Variants in LAMC1 observed in about 807,000 individuals in gnomAD.
LAMC1 encodes the protein laminin subunit gamma-1.
In LAMC1, 38 loss-of-function variants were observed where a neutral mutation model predicts 173.6. The observed-to-expected ratio is 0.22, with a 90% CI of 0.17 to 0.29. The LOEUF (loss-of-function observed/expected upper bound fraction) is 0.29, where lower values mean the gene tolerates loss of function less well. Among genes scored for constraint, LAMC1 ranks in the 10% least tolerant of loss-of-function variants. The pLI is 1.00. For synonymous variants in LAMC1, 746 were observed against 749.1 expected (o/e 1.00, Z 0.07); for missense variants, 1,824 against 2,051.8 (o/e 0.89, Z 2.14).
intron 1 of LAMC1, among the ~76,000 whole-genome samples, chr1:183,038,584 G>A (rs756093473): frequency 5.9e-5 from 9 of 152,202 alleles, no homozygotes; most frequent in Non-Finnish European, 1.3e-4. Flanking sequence ...GAGTTTTGCA[G>A]TTTTTAGAAA....
Position 183,116,816 on chromosome 1 carries a change from A to T in LAMC1, c.1477A>T (p.Thr493Ser), listed in dbSNP as rs769108956. Residue 493 changes from threonine (T) to serine (S), a missense_variant, in exon 8 of 28, where the codon ACA (threonine) becomes TCA (serine). Transcript: ENST00000258341. ...NLESSNPRGC[T>S]PCFCFGHSSV... ...GGAATCATCTAATCCTCGGGGTTGC[A>T]CACCCTGCTTCTGCTTTGGGCATTC... The T allele has an allele frequency of 6.2e-7, 1 of 1,614,058 alleles. No individual in the cohort carries two copies. Among genetic ancestry groups the T allele is most frequent in the East Asian group, 2.2e-5 (1 of 44,874 alleles).
intron 26 of LAMC1, among the ~76,000 whole-genome samples, 159 bp from the exon 27 acceptor site, chr1:183,140,245 C>CCAAAAAAAAA (rs1657069880): frequency 1.9e-5 from 1 of 52,936 alleles, no homozygotes; most frequent in East Asian, 6.9e-4. Context: ...GCAGCCCCAC[C>CCAAAAAAAAA]AAAAAAAAAA....
intron 1 of LAMC1, among the ~76,000 whole-genome samples, chr1:183,096,292 ACTGT>A (rs1233348596): frequency 6.6e-5 from 10 of 152,232 alleles, no homozygotes; most frequent in South Asian, 4.1e-4. Flanking sequence ...CCAAAATCAT[ACTGT>A]CTATTTCAGA....
intron 18 of LAMC1, 22 bp from the exon 19 acceptor site, chr1:183,130,321 CT>C (rs1656747173): frequency 6.3e-7 from 1 of 1,588,468 alleles, no homozygotes; most frequent in Non-Finnish European, 8.6e-7. Flanking sequence ...AATTTACAGA[CT>C]TTCTTCTGCA....
chr1:183,134,616 A>G (rs766453622), intron 22 of LAMC1, 44 bp from the exon 23 acceptor site: 1 of 1,525,430 alleles, frequency 6.6e-7, no homozygotes, highest in Non-Finnish European at 8.9e-7. Flanking sequence ...TCATTAGTTT[A>G]AATGTTTTAT....
At chr1:183,081,964 A>T (rs1012071905) in intron 1 of LAMC1, among the ~76,000 whole-genome samples, 6 of 152,168 alleles carry the variant, frequency 3.9e-5, no homozygotes, top group Non-Finnish European at 8.8e-5. Flanking sequence ...CCTTTCCCAG[A>T]ATGTCATATA....
chr1:183,059,686 A>G (rs193142310), intron 1 of LAMC1, among the ~76,000 whole-genome samples: 13 of 152,288 alleles, frequency 8.5e-5, no homozygotes, highest in African/African-American at 3.1e-4. Context: ...TCTCGGAGCA[A>G]ATTATAAGAT....
intron 1 of LAMC1, among the ~76,000 whole-genome samples, chr1:183,071,557 T>G (rs1170157109): frequency 5.3e-5 from 8 of 151,878 alleles, no homozygotes; most frequent in African/African-American, 1.2e-4. Context: ...TGTGGTCATT[T>G]GGGACATCTG....
rs1205794380 is a variant in LAMC1, at chr1:183,140,505, T to A, written c.4573+2T>A. On this transcript the variant is annotated splice_donor_variant, in intron 27 of 27. Transcript: ENST00000258341. LOFTEE classifies it high-confidence loss of function. ...TTAATGACCTCTTGGAGCAGCTGGG[T>A]ACGTAGCCATAGAGTCATTTTTGTC... is the stretch of plus-strand genomic sequence containing the variant. The A allele has an allele frequency of 6.3e-7, 1 of 1,594,304 alleles. No homozygotes were observed. The highest frequency in any genetic ancestry group is 8.6e-7 in the Non-Finnish European group (1 of 1,162,556).
At chr1:183,073,882 G>T (rs959944321) in intron 1 of LAMC1, among the ~76,000 whole-genome samples, 5 of 152,058 alleles carry the variant, frequency 3.3e-5, no homozygotes, top group Admixed American at 2.6e-4. Flanking sequence ...AAAAGGACAA[G>T]TTTGAAGATC....
chr1:183,116,775 C>T lies in LAMC1; in HGVS notation c.1436C>T (p.Pro479Leu). The T allele has an allele frequency of 6.2e-7, 1 of 1,613,860 alleles. No individual in the cohort carries two copies. The highest frequency in any genetic ancestry group is 1.1e-5 in the South Asian group (1 of 91,006). ...GTCTTAATCTTTTTCAGATGCAAAC[C>T]TGGATTTTTTAATCTGGAATCATCT... is the stretch of plus-strand genomic sequence containing the variant. ...VEGFNCERCK[P>L]GFFNLESSNP... The change falls in exon 8 of 28, where the codon CCT (proline) becomes CTT (leucine). Residue 479 changes from proline to leucine, a missense_variant. Coordinates refer to ENST00000258341, the MANE Select transcript of LAMC1 (RefSeq NM_002293.4).
intron 1 of LAMC1, among the ~76,000 whole-genome samples, chr1:183,051,021 C>T (rs1272976138): frequency 7.0e-6 from 1 of 142,722 alleles, no homozygotes; most frequent in Non-Finnish European, 1.5e-5. Context: ...AATTACCTTT[C>T]CTCTTCTCCT....
In LAMC1 at chr1:183,132,572, A is replaced by G. The variant is rs1420046793; in HGVS notation, c.3704+35A>G. 2.6e-6 allele frequency: 4 copies of G among 1,558,968 alleles called. No homozygotes were observed. The African/African-American group carries it at 5.4e-5, about 21-fold the overall frequency. On this transcript the variant is annotated intron_variant, in intron 21 of 27. Coordinates refer to ENST00000258341, the MANE Select transcript of LAMC1 (RefSeq NM_002293.4). The stretch of plus-strand genomic sequence containing the variant: ...ATTTGAAAGTGGTTTACACCCCTTC[A>G]GGTGTTCTGGTAAGTAACACTAGTT...
At position 183,121,728 on chromosome 1, in the gene LAMC1, G is replaced by A; in HGVS notation, c.1996G>A (p.Gly666Arg). 1 of 1,613,606 alleles carries A rather than the reference G, an allele frequency of 6.2e-7. No homozygotes were observed. Among genetic ancestry groups the A allele is most frequent in the Non-Finnish European group, 8.5e-7 (1 of 1,179,780 alleles). The change falls in exon 12 of 28, where the codon GGA (glycine) becomes AGA (arginine). Residue 666 changes from glycine to arginine, a missense_variant. Coordinates refer to ENST00000258341, the MANE Select transcript of LAMC1 (RefSeq NM_002293.4). ...IRGTYSERSA[G>R]YLDDVTLASA... is the part of the protein sequence containing the mutation. ...CTTTTCCTCACTATACACAGGTGCT[G>A]GATATTTGGATGATGTCACCCTGGC...
chr1:183,093,071 G>C (rs1295711150), intron 1 of LAMC1, among the ~76,000 whole-genome samples: 4 of 152,192 alleles, frequency 2.6e-5, no homozygotes, highest in African/African-American at 9.7e-5. Context: ...TTGAGGCCAG[G>C]AGTTCAGTGT....
chr1:183,142,405 A>AC (rs1657138909), intron 27 of LAMC1, 129 bp from the exon 28 acceptor site: 3 of 911,984 alleles, frequency 3.3e-6, no homozygotes, highest in Non-Finnish European at 5.0e-6. Flanking sequence ...AACAATCTGC[A>AC]AGTCACATTT....
At chr1:183,120,952 G>A (rs936590438) in intron 11 of LAMC1, among the ~76,000 whole-genome samples, 1 of 152,048 alleles carries the variant, frequency 6.6e-6, no homozygotes, top group African/African-American at 2.4e-5. Context: ...TGCTTTTGTA[G>A]CAAAAGAATG....
At chr1:183,025,888 G>A (rs1192544001) in intron 1 of LAMC1, among the ~76,000 whole-genome samples, 3 of 152,190 alleles carry the variant, frequency 2.0e-5, no homozygotes, top group Non-Finnish European at 4.4e-5. Flanking sequence ...TGTAGGCACT[G>A]TGTAGCTAAA....
intron 1 of LAMC1, among the ~76,000 whole-genome samples, chr1:183,095,229 G>T (rs1305514748): frequency 6.6e-6 from 1 of 151,924 alleles, no homozygotes; most frequent in Admixed American, 6.6e-5. Context: ...GTAAACTATT[G>T]GTCAACTTTT....
Sources: gnomAD v4.1 joint callset for allele counts (sites outside exome capture counted in the v4.1 genomes callset) on GRCh38, gnomAD v4.1.1 for gene constraint, MANE v1.5 for transcripts, NCBI Gene and HGNC (gene_info 2026-07-23, HGNC 2026-07-21) for gene names.